CHCHD6: variants seen among roughly 807,000 people sequenced by gnomAD.
The protein encoded by CHCHD6 is coiled-coil-helix-coiled-coil-helix domain containing 6.
Under a neutral mutation model 32.3 loss-of-function variants are expected in CHCHD6, and 28 were observed. The observed-to-expected ratio is 0.87, with a 90% confidence interval of 0.64 to 1.19. CHCHD6 has a LOEUF of 1.19. Ranked by LOEUF, CHCHD6 falls within the 50% of genes most tolerant of loss-of-function variation. The pLI, the probability that CHCHD6 is intolerant of heterozygous loss-of-function variation, is 0.00. For missense variants in CHCHD6, 333 were observed against 307.0 expected (o/e 1.08, Z -0.63); for synonymous variants, 122 against 117.5 (o/e 1.04, Z -0.25).
intron 6 of CHCHD6, among the ~76,000 whole-genome samples, chr3:126,917,356 G>T (rs1576599985): frequency 1.3e-5 from 2 of 152,162 alleles, no homozygotes; most frequent in African/African-American, 4.8e-5. Flanking sequence ...CTCTTCCTTT[G>T]TTTGTCTTTG....
intron 4 of CHCHD6, among the ~76,000 whole-genome samples, chr3:126,797,920 C>T (rs78486266): frequency 0.033 from 5,030 of 152,258 alleles, 276 homozygotes; most frequent in African/African-American, 0.11. Context: ...GTGTCTGGCT[C>T]CAGTCCTCCT....
At chr3:126,937,966 C>A (rs1293322547) in intron 6 of CHCHD6, among the ~76,000 whole-genome samples, 1 of 152,186 alleles carries the variant, frequency 6.6e-6, no homozygotes, top group Non-Finnish European at 1.5e-5. Context: ...TTTCTCCAAG[C>A]CACATGACTG....
chr3:126,785,682 C>T (rs375791921), intron 4 of CHCHD6, among the ~76,000 whole-genome samples: 10 of 152,132 alleles, frequency 6.6e-5, no homozygotes, highest in South Asian at 4.2e-4. Context: ...GTTTTACAGC[C>T]GTATCACTAT....
At chr3:126,900,556 G>GGCT (rs1037690337) in intron 5 of CHCHD6, among the ~76,000 whole-genome samples, 2 of 151,980 alleles carry the variant, frequency 1.3e-5, no homozygotes, top group African/African-American at 4.8e-5. Flanking sequence ...TGTCTCACAT[G>GGCT]GCTGGAGCAG....
intron 4 of CHCHD6, among the ~76,000 whole-genome samples, chr3:126,791,340 T>C (rs1938530691): frequency 6.6e-6 from 1 of 152,224 alleles, no homozygotes; most frequent in African/African-American, 2.4e-5. Context: ...ACCACTACTC[T>C]CTTCAAAGCT....
chr3:126,821,256 C>T (rs1254678757), intron 4 of CHCHD6, among the ~76,000 whole-genome samples: 2 of 152,156 alleles, frequency 1.3e-5, no homozygotes, highest in Non-Finnish European at 2.9e-5. Context: ...TGTTTAAGAA[C>T]ATTTAAAATG....
chr3:126,725,465 G>A (rs1217241277), intron 1 of CHCHD6, among the ~76,000 whole-genome samples: 1 of 152,188 alleles, frequency 6.6e-6, no homozygotes, highest in Non-Finnish European at 1.5e-5. Context: ...TAGAGCACTG[G>A]CAGAGTAGAT....
intron 6 of CHCHD6, among the ~76,000 whole-genome samples, chr3:126,929,209 G>C (rs1421710598): frequency 6.6e-6 from 1 of 152,174 alleles, no homozygotes; most frequent in Non-Finnish European, 1.5e-5. Flanking sequence ...TGGAGTCCCT[G>C]TCTCCTCTCC....
Position 126,704,384 on chromosome 3 carries a change from G to A in CHCHD6, c.72G>A (p.Val24=). 1 of 1,562,976 alleles carries A rather than the reference G, an allele frequency of 6.4e-7. No individual in the cohort carries two copies. The highest frequency in any genetic ancestry group is 8.7e-7 in the Non-Finnish European group (1 of 1,155,390). ...TGGACGAGGAGGAGCGGGTCCGGGTGCTGCAGGGTGTCCGGGTGAGCGGCG... is the reference window on the plus strand; with the variant it reads ...TGGACGAGGAGGAGCGGGTCCGGGTACTGCAGGGTGTCCGGGTGAGCGGCG... ...FGVDEEERVR[V]LQGVRLSENV... The change falls in exon 1 of 8, where the codon GTG becomes GTA. Residue 24 remains valine (V), a synonymous_variant. Transcript: ENST00000290913.
chr3:126,955,155 G>C (rs2078765885), intron 6 of CHCHD6, among the ~76,000 whole-genome samples: 1 of 152,240 alleles, frequency 6.6e-6, no homozygotes, highest in African/African-American at 2.4e-5. Flanking sequence ...CCCACAACTA[G>C]ACACACCCAT....
At chr3:126,818,657 A>G (rs958725235) in intron 4 of CHCHD6, among the ~76,000 whole-genome samples, 1 of 152,196 alleles carries the variant, frequency 6.6e-6, no homozygotes, top group African/African-American at 2.4e-5. Context: ...ATTGGCCACC[A>G]TTACCTAGTG....
chr3:126,910,898 C>T (rs143069454), intron 5 of CHCHD6, among the ~76,000 whole-genome samples: 1 of 152,112 alleles, frequency 6.6e-6, no homozygotes, highest in South Asian at 2.1e-4. Flanking sequence ...TGTGCCCATG[C>T]ATGCACAGCA....
At chr3:126,872,854 G>A (rs972579198) in intron 5 of CHCHD6, among the ~76,000 whole-genome samples, 8 of 152,240 alleles carry the variant, frequency 5.3e-5, no homozygotes, top group Non-Finnish European at 8.8e-5. Context: ...CTGAGGCAGG[G>A]ACACTGCTGA....
intron 5 of CHCHD6, among the ~76,000 whole-genome samples, chr3:126,890,127 T>C (rs939990689): frequency 6.6e-6 from 1 of 152,204 alleles, no homozygotes; most frequent in Non-Finnish European, 1.5e-5. Context: ...TCCTAGGCCA[T>C]GTGCCAGCCG....
chr3:126,839,653 C>T (rs1288814670), intron 4 of CHCHD6, among the ~76,000 whole-genome samples: 1 of 152,124 alleles, frequency 6.6e-6, no homozygotes, highest in East Asian at 1.9e-4. Context: ...AGCCTCAGTT[C>T]AGTCCTTGTC....
In CHCHD6 at chr3:126,842,956, T is replaced by C. The variant is rs1234342285; in HGVS notation, c.412-9691T>C. ...TCTGTTAAACCAACCTTGTTAATTT[T>C]ATTAATCAGATACTCTAAATCTTTT... On this transcript the variant is annotated intron_variant, in intron 4 of 7. Coordinates refer to ENST00000290913, the MANE Select transcript of CHCHD6 (RefSeq NM_032343.3). Among the ~76,000 whole-genome samples the C allele has an allele frequency of 2.6e-5, 4 of 152,086 alleles. No homozygotes were observed. The East Asian group carries it at 7.7e-4, about 29-fold the overall frequency.
chr3:126,868,079 C>T (rs1470556136), intron 5 of CHCHD6, among the ~76,000 whole-genome samples: 1 of 152,184 alleles, frequency 6.6e-6, no homozygotes, highest in Non-Finnish European at 1.5e-5. Context: ...CCTGGCAAGC[C>T]CTGCCTACCC....
chr3:126,938,240 G>A (rs2078510951), intron 6 of CHCHD6, among the ~76,000 whole-genome samples: 2 of 152,204 alleles, frequency 1.3e-5, no homozygotes, highest in Admixed American at 1.3e-4. Context: ...TAACAAGGTG[G>A]CCACATCTCT....
At chr3:126,833,346 C>T (rs1255188881) in intron 4 of CHCHD6, among the ~76,000 whole-genome samples, 1 of 152,208 alleles carries the variant, frequency 6.6e-6, no homozygotes, top group Non-Finnish European at 1.5e-5. Flanking sequence ...AGACACTCAG[C>T]TCTTTCCAGA....
Sources: gnomAD v4.1 joint callset for allele counts (sites outside exome capture counted in the v4.1 genomes callset) on GRCh38, gnomAD v4.1.1 for gene constraint, MANE v1.5 for transcripts, NCBI Gene and HGNC (gene_info 2026-07-23, HGNC 2026-07-21) for gene names.